The following DDC variants were observed in gnomAD, a reference collection of about 807,000 sequenced individuals.
DDC encodes the protein aromatic-L-amino-acid decarboxylase.
DDC carries 43 observed loss-of-function variants against 60.0 expected under a neutral mutation model. The observed-to-expected ratio is 0.72, with a 90% CI of 0.56 to 0.92. DDC has a LOEUF of 0.92. Ranked by LOEUF, DDC falls within the 40% of genes least tolerant of loss-of-function variation. The probability of loss-of-function intolerance (pLI) is 0.00; values close to 1 mark genes in which losing one functional copy is unlikely to be tolerated. For synonymous variants in DDC, 232 were observed against 234.6 expected (o/e 0.99, Z 0.10); for missense variants, 573 against 620.2 (o/e 0.92, Z 0.81).
intron 6 of DDC, among the ~76,000 whole-genome samples, chr7:50,508,039 G>A (rs1017639696): frequency 2.0e-5 from 3 of 152,234 alleles, no homozygotes; most frequent in Non-Finnish European, 4.4e-5. Flanking sequence ...CAGGACCCCT[G>A]GGACACCAGT....
At chr7:50,561,722 G>A (rs1232404754) in intron 1 of DDC, among the ~76,000 whole-genome samples, 2 of 149,024 alleles carry the variant, frequency 1.3e-5, no homozygotes, top group Non-Finnish European at 3.0e-5. Context: ...GCAGGACTCC[G>A]TTTCTCCTGA....
chr7:50,504,628 T>C (rs1197153664), intron 6 of DDC, among the ~76,000 whole-genome samples: 1 of 151,984 alleles, frequency 6.6e-6, no homozygotes, highest in Middle Eastern at 3.2e-3. Context: ...TATATACATA[T>C]ATAGAGAATG....
At chr7:50,490,756 C>A (rs1258314870) in intron 9 of DDC, among the ~76,000 whole-genome samples, 2 of 152,118 alleles carry the variant, frequency 1.3e-5, no homozygotes, top group African/African-American at 4.8e-5. Flanking sequence ...CCAACAAAAC[C>A]AATTTAAAAA....
chr7:50,532,262 T>C (rs1261603288), intron 4 of DDC, among the ~76,000 whole-genome samples: 3 of 152,184 alleles, frequency 2.0e-5, no homozygotes, highest in African/African-American at 7.2e-5. Flanking sequence ...ATTTCTTCCT[T>C]TCATCCAGAA....
intron 5 of DDC, 52 bp from the exon 6 acceptor site, chr7:50,528,332 T>C (rs1023797187): frequency 6.2e-7 from 1 of 1,611,744 alleles, no homozygotes; most frequent in Admixed American, 1.7e-5. Context: ...CATGCAGTTA[T>C]TACCAGGCCC....
At chr7:50,481,895 A>G (rs539066058) in intron 9 of DDC, among the ~76,000 whole-genome samples, 2 of 152,344 alleles carry the variant, frequency 1.3e-5, no homozygotes, top group African/African-American at 4.8e-5. Context: ...TGAGTTTCAC[A>G]TTCATTCATG....
intron 11 of DDC, 27 bp downstream of exon 11, chr7:50,476,597 G>C: frequency 6.2e-7 from 1 of 1,600,708 alleles, no homozygotes; most frequent in Non-Finnish European, 8.6e-7. Flanking sequence ...ACTAGCATTT[G>C]AGATTACAGT....
intron 4 of DDC, among the ~76,000 whole-genome samples, chr7:50,536,611 T>C (rs1239686184): frequency 1.3e-5 from 2 of 152,220 alleles, no homozygotes; most frequent in Non-Finnish European, 2.9e-5. Context: ...GGTGTCAACT[T>C]TGGTTTTAGC....
chr7:50,532,896 T>C (rs934563565), intron 4 of DDC, among the ~76,000 whole-genome samples: 1 of 152,222 alleles, frequency 6.6e-6, no homozygotes, highest in South Asian at 2.1e-4. Flanking sequence ...ATGTTAAACA[T>C]GAATACAGCC....
intron 6 of DDC, among the ~76,000 whole-genome samples, chr7:50,521,611 A>G (rs1449864668): frequency 1.3e-5 from 2 of 152,226 alleles, no homozygotes; most frequent in Non-Finnish European, 2.9e-5. Flanking sequence ...TCAACATAGA[A>G]AAATAAATTA....
chr7:50,563,604 A>G (rs2098787692), intron 1 of DDC, among the ~76,000 whole-genome samples: 1 of 151,914 alleles, frequency 6.6e-6, no homozygotes, highest in African/African-American at 2.4e-5. Context: ...TTATTTTATT[A>G]TTATTATTAT....
chr7:50,543,082 G>A (rs1202473263), intron 2 of DDC: 2 of 152,684 alleles, frequency 1.3e-5, no homozygotes, highest in South Asian at 2.1e-4. Flanking sequence ...TGGAGCCCAC[G>A]GAGATTTTCC....
chr7:50,522,929 A>G (rs1225767303), intron 6 of DDC, among the ~76,000 whole-genome samples: 1 of 152,184 alleles, frequency 6.6e-6, no homozygotes, highest in Non-Finnish European at 1.5e-5. Context: ...GAGAGGTGCT[A>G]CACACTGTTT....
intron 6 of DDC, among the ~76,000 whole-genome samples, chr7:50,521,539 A>G (rs781471938): frequency 6.6e-6 from 1 of 152,224 alleles, no homozygotes; most frequent in Non-Finnish European, 1.5e-5. Context: ...ATTGAATCCA[A>G]CAATGTAAAA....
chr7:50,488,197 G>A (rs893997172), intron 9 of DDC, among the ~76,000 whole-genome samples: 8 of 151,428 alleles, frequency 5.3e-5, no homozygotes, highest in Admixed American at 2.6e-4. Flanking sequence ...GTTAAAAAAC[G>A]ACATATAATT....
chr7:50,528,055 C>T, intron 6 of DDC, 82 bp downstream of exon 6: 1 of 1,519,522 alleles, frequency 6.6e-7, no homozygotes, highest in East Asian at 2.3e-5. Context: ...CGCCACCATG[C>T]CCGGCTAATT....
intron 9 of DDC, among the ~76,000 whole-genome samples, chr7:50,491,783 C>T (rs1461905211): frequency 1.3e-5 from 2 of 152,136 alleles, no homozygotes; most frequent in African/African-American, 4.8e-5. Flanking sequence ...TCTCTCACAA[C>T]ACGTGGATTC....
intron 1 of DDC, among the ~76,000 whole-genome samples, chr7:50,547,287 G>A (rs966652883): frequency 2.0e-5 from 3 of 150,886 alleles, no homozygotes; most frequent in African/African-American, 7.3e-5. Context: ...CTTGGCTCAC[G>A]GCAACCTCTG....
intron 6 of DDC, among the ~76,000 whole-genome samples, chr7:50,509,973 G>A (rs1030061306): frequency 1.4e-5 from 2 of 144,808 alleles, no homozygotes; most frequent in African/African-American, 4.9e-5. Context: ...AGATACTTAC[G>A]TATCTTTTTT....
Sources: allele counts gnomAD v4.1 joint callset (sites outside exome capture counted in the v4.1 genomes callset), GRCh38; gene constraint gnomAD v4.1.1; transcripts MANE v1.5; gene names NCBI Gene and HGNC (gene_info 2026-07-23, HGNC 2026-07-21).